Variants in INPP4B observed in about 807,000 individuals in gnomAD.
The protein encoded by INPP4B is inositol polyphosphate-4-phosphatase type II B.
A neutral mutation model predicts 122.5 loss-of-function variants in INPP4B; 55 were observed. The observed-to-expected ratio is 0.45, with a 90% CI of 0.36 to 0.56. The LOEUF is 0.56. INPP4B is among the 20% of genes least tolerant of loss of function. The probability of loss-of-function intolerance (pLI) is 0.00; values close to 1 mark genes in which losing one functional copy is unlikely to be tolerated. For synonymous variants in INPP4B, 403 were observed against 388.7 expected (o/e 1.04, Z -0.43); for missense variants, 1,000 against 1,097.7 (o/e 0.91, Z 1.26).
chr4:142,243,025 C>T (rs1252112199), intron 11 of INPP4B, among the ~76,000 whole-genome samples: 1 of 152,088 alleles, frequency 6.6e-6, no homozygotes, highest in Non-Finnish European at 1.5e-5. Context: ...CATTACTCTC[C>T]CCATGAAGAG....
At chr4:142,419,298 C>T (rs760186697) in intron 5 of INPP4B, among the ~76,000 whole-genome samples, 1 of 152,078 alleles carries the variant, frequency 6.6e-6, no homozygotes, top group African/African-American at 2.4e-5. Context: ...AAGAGTTACA[C>T]ATTTTGAAAA....
chr4:142,725,355 C>T (rs536765210), intron 2 of INPP4B, among the ~76,000 whole-genome samples: 2 of 152,178 alleles, frequency 1.3e-5, no homozygotes, highest in East Asian at 1.9e-4. Flanking sequence ...AGGGTGTCTT[C>T]ATAAAGCTTG....
intron 7 of INPP4B, among the ~76,000 whole-genome samples, chr4:142,367,844 G>A (rs1037681187): frequency 2.0e-5 from 3 of 152,120 alleles, no homozygotes; most frequent in Non-Finnish European, 4.4e-5. Flanking sequence ...TGCTCCCTGG[G>A]CTGGAAGGAT....
intron 11 of INPP4B, among the ~76,000 whole-genome samples, chr4:142,245,375 T>C (rs1727448335): frequency 6.6e-6 from 1 of 152,206 alleles, no homozygotes; most frequent in Non-Finnish European, 1.5e-5. Flanking sequence ...TTAATCCATC[T>C]TGAGTTAACT....
intron 11 of INPP4B, among the ~76,000 whole-genome samples, chr4:142,241,280 C>T (rs1222931631): frequency 6.6e-6 from 1 of 151,794 alleles, no homozygotes; most frequent in African/African-American, 2.4e-5. Flanking sequence ...ATCATGCGAC[C>T]GATTATATCA....
At chr4:142,788,805 T>C (rs1003713542) in intron 1 of INPP4B, among the ~76,000 whole-genome samples, 3 of 152,112 alleles carry the variant, frequency 2.0e-5, no homozygotes, top group African/African-American at 7.2e-5. Context: ...AATTCATTCC[T>C]TTTATGGCTG....
chr4:142,577,890 A>AAACTAGC (rs1734196750), intron 2 of INPP4B, among the ~76,000 whole-genome samples: 1 of 151,910 alleles, frequency 6.6e-6, no homozygotes. Context: ...TACTTTCTCA[A>AAACTAGC]AACTAGCAAA....
At chr4:142,804,011 A>T (rs944460807) in intron 1 of INPP4B, among the ~76,000 whole-genome samples, 12 of 151,838 alleles carry the variant, frequency 7.9e-5, no homozygotes, top group African/African-American at 2.9e-4. Context: ...GTGAGCCAAG[A>T]TTGCTCCACT....
At chr4:142,517,264 A>G (rs1041354548) in intron 2 of INPP4B, among the ~76,000 whole-genome samples, 2 of 152,040 alleles carry the variant, frequency 1.3e-5, no homozygotes, top group African/African-American at 4.8e-5. Context: ...TATTCTAATA[A>G]TAGTCATTGG....
intron 2 of INPP4B, among the ~76,000 whole-genome samples, chr4:142,599,636 A>G (rs1204543173): frequency 6.6e-6 from 1 of 152,148 alleles, no homozygotes; most frequent in Non-Finnish European, 1.5e-5. Flanking sequence ...CAAGAAAATA[A>G]TAACACCTCC....
intron 5 of INPP4B, among the ~76,000 whole-genome samples, chr4:142,409,370 T>A (rs1350505259): frequency 4.0e-5 from 6 of 151,850 alleles, no homozygotes; most frequent in Non-Finnish European, 8.8e-5. Context: ...GTGGGTGCCT[T>A]TAATCCCAGC....
At chr4:142,099,311 T>A (rs985959285) in intron 23 of INPP4B, among the ~76,000 whole-genome samples, 1 of 152,280 alleles carries the variant, frequency 6.6e-6, no homozygotes, top group South Asian at 2.1e-4. Flanking sequence ...TTTTTATGTG[T>A]CTATGCAATG....
At chr4:142,406,035 C>T (rs1246633325) in intron 5 of INPP4B, among the ~76,000 whole-genome samples, 1 of 152,138 alleles carries the variant, frequency 6.6e-6, no homozygotes, top group Non-Finnish European at 1.5e-5. Context: ...AATATTTTCT[C>T]CTCTCACATA....
chr4:142,302,505 T>C (rs1256030115), intron 9 of INPP4B, among the ~76,000 whole-genome samples: 1 of 152,134 alleles, frequency 6.6e-6, no homozygotes, highest in South Asian at 2.1e-4. Flanking sequence ...CATTATAACT[T>C]TACACAAATT....
chr4:142,160,926 C>T (rs1056756462), intron 16 of INPP4B, among the ~76,000 whole-genome samples: 1 of 151,960 alleles, frequency 6.6e-6, no homozygotes, highest in East Asian at 1.9e-4. Context: ...ATTCCAAACA[C>T]TCCTGAAAAG....
rs540901360 is a variant in INPP4B, at chr4:142,606,645, G to A, written c.-191+119194C>T. Reference sequence around the variant, plus strand: ...TCAAATATTTTGGATCCTTAAGAATGTTTGCCTAAAGGAATTTTTCAGTCT... The same window carrying A: ...TCAAATATTTTGGATCCTTAAGAATATTTGCCTAAAGGAATTTTTCAGTCT... On this transcript the variant is annotated intron_variant, in intron 2 of 25. Coordinates refer to ENST00000262992, the MANE Select transcript of INPP4B (RefSeq NM_001101669.3). Among the ~76,000 whole-genome samples, 11 of 152,034 alleles carry A rather than the reference G, an allele frequency of 7.2e-5. No individual in the cohort carries two copies. The South Asian group carries it at 1.7e-3, about 23-fold the overall frequency.
chr4:142,397,496 C>T (rs1799722275), intron 7 of INPP4B, among the ~76,000 whole-genome samples: 1 of 152,094 alleles, frequency 6.6e-6, no homozygotes, highest in Admixed American at 6.5e-5. Context: ...TTTTTCTCCT[C>T]TGGTTGAATA....
intron 15 of INPP4B, among the ~76,000 whole-genome samples, chr4:142,185,849 C>T (rs955523098): frequency 6.9e-6 from 1 of 144,944 alleles, no homozygotes; most frequent in Non-Finnish European, 1.5e-5. Context: ...ACTGCACTAC[C>T]TCCTGGGCGA....
At chr4:142,785,129 CAG>C (rs1357985771) in intron 1 of INPP4B, among the ~76,000 whole-genome samples, 1 of 152,030 alleles carries the variant, frequency 6.6e-6, no homozygotes, top group Non-Finnish European at 1.5e-5. Context: ...TCGAAGACAA[CAG>C]AGGAGAAAAC....
Sources: allele counts gnomAD v4.1 joint callset (sites outside exome capture counted in the v4.1 genomes callset), GRCh38; gene constraint gnomAD v4.1.1; transcripts MANE v1.5; gene names NCBI Gene and HGNC (gene_info 2026-07-23, HGNC 2026-07-21).